SPRR2G: variants seen among roughly 807,000 people sequenced by gnomAD.
The protein encoded by SPRR2G is small proline-rich protein 2G.
SPRR2G carries 1 observed loss-of-function variant against 0.7 expected under a neutral mutation model. The observed-to-expected ratio is 1.49, with a 90% CI of 0.53 to 7.06. The LOEUF (loss-of-function observed/expected upper bound fraction) is 7.06, where lower values mean the gene tolerates loss of function less well. Ranked by LOEUF, SPRR2G falls within the 30% of genes most tolerant of loss-of-function variation. SPRR2G has a pLI of 0.14. For missense variants in SPRR2G, 96 were observed against 88.5 expected (o/e 1.09, Z -0.34); for synonymous variants, 38 against 33.9 (o/e 1.12, Z -0.42).
chr1:153,163,038 C>T, the SPRR2G span, among the ~76,000 whole-genome samples: 11 of 152,226 alleles, frequency 7.2e-5, no homozygotes, highest in African/African-American at 2.2e-4. Flanking sequence ...GGCTTTTAAC[C>T]GTCCATTCAA....
the SPRR2G span, among the ~76,000 whole-genome samples, chr1:153,160,087 A>G: frequency 6.6e-6 from 1 of 152,164 alleles, no homozygotes. Flanking sequence ...GACCCTGGCA[A>G]CCACCATTCT....
chr1:153,179,817 G>C, the SPRR2G span, among the ~76,000 whole-genome samples: 1 of 152,022 alleles, frequency 6.6e-6, no homozygotes, highest in Non-Finnish European at 1.5e-5. Flanking sequence ...TTTCTATCTT[G>C]TCTCCGTATT....
chr1:153,158,322 A>C, the SPRR2G span, among the ~76,000 whole-genome samples: 1 of 152,224 alleles, frequency 6.6e-6, no homozygotes, highest in East Asian at 1.9e-4. Flanking sequence ...AAATGGGAGA[A>C]ATTGGCCAAA....
upstream of SPRR2G, among the ~76,000 whole-genome samples, chr1:153,151,307 T>A: frequency 6.6e-6 from 1 of 152,190 alleles, no homozygotes; most frequent in East Asian, 1.9e-4. Context: ...ATCCTAACCC[T>A]CAACTGCAGT....
At chr1:153,179,488 C>CA in the SPRR2G span, among the ~76,000 whole-genome samples, 1 of 152,030 alleles carries the variant, frequency 6.6e-6, no homozygotes, top group Non-Finnish European at 1.5e-5. Context: ...CAATGTCACG[C>CA]CTATCATTTG....
At chr1:153,177,157 A>G in the SPRR2G span, among the ~76,000 whole-genome samples, 2 of 152,198 alleles carry the variant, frequency 1.3e-5, no homozygotes, top group Non-Finnish European at 2.9e-5. Context: ...GTGTCTTGAT[A>G]CACATCAAAT....
At chr1:153,162,669 A>G in the SPRR2G span, among the ~76,000 whole-genome samples, 36 of 152,188 alleles carry the variant, frequency 2.4e-4, no homozygotes, top group African/African-American at 8.4e-4. Flanking sequence ...AGGACACATC[A>G]TGGACTGGGA....
At chr1:153,155,081 T>C (rs904536459), upstream of SPRR2G, among the ~76,000 whole-genome samples, 2 of 152,122 alleles carry the variant, frequency 1.3e-5, no homozygotes, top group Non-Finnish European at 2.9e-5. Flanking sequence ...CCAAATGGAG[T>C]CCTCTGGTGC....
At chr1:153,189,016 G>A in the SPRR2G span, among the ~76,000 whole-genome samples, 13 of 152,170 alleles carry the variant, frequency 8.5e-5, no homozygotes, top group Admixed American at 7.9e-4. Flanking sequence ...GATGAACCAG[G>A]TACCTCAGTT....
At chr1:153,172,028 A>G in the SPRR2G span, among the ~76,000 whole-genome samples, 1 of 151,890 alleles carries the variant, frequency 6.6e-6, no homozygotes, top group Non-Finnish European at 1.5e-5. Context: ...TTTACACTCA[A>G]CTTTAATCCT....
upstream of SPRR2G, among the ~76,000 whole-genome samples, chr1:153,154,351 G>A (rs1025248394): frequency 4.0e-5 from 6 of 151,762 alleles, no homozygotes; most frequent in African/African-American, 1.5e-4. Flanking sequence ...TTGGTATCAG[G>A]GTAATGCCAT....
At chr1:153,201,106 T>C in the SPRR2G span, among the ~76,000 whole-genome samples, 1 of 152,180 alleles carries the variant, frequency 6.6e-6, no homozygotes, top group African/African-American at 2.4e-5. Flanking sequence ...CAGCCTCTCG[T>C]GGAGGCCCAG....
chr1:153,152,962 AG>A (rs5777842), upstream of SPRR2G, among the ~76,000 whole-genome samples: 4,696 of 152,264 alleles, frequency 0.031, 238 homozygotes, highest in African/African-American at 0.11. Flanking sequence ...AGCTTCACAA[AG>A]GACAGTTTTT....
At chr1:153,152,287 C>T (rs1451383501), upstream of SPRR2G, among the ~76,000 whole-genome samples, 1 of 152,062 alleles carries the variant, frequency 6.6e-6, no homozygotes, top group East Asian at 1.9e-4. Context: ...CCTGCATCCC[C>T]CATTCTTCTA....
chr1:153,177,557 A>G, the SPRR2G span, among the ~76,000 whole-genome samples: 1 of 152,024 alleles, frequency 6.6e-6, no homozygotes, highest in East Asian at 1.9e-4. Context: ...CTGAAATGAT[A>G]TCTTATGGGG....
At chr1:153,157,250 T>C in the SPRR2G span, among the ~76,000 whole-genome samples, 1 of 152,208 alleles carries the variant, frequency 6.6e-6, no homozygotes, top group Non-Finnish European at 1.5e-5. Flanking sequence ...TCATTAATTT[T>C]GTTAAGTGTG....
chr1:153,181,695 T>C, the SPRR2G span, among the ~76,000 whole-genome samples: 5 of 152,154 alleles, frequency 3.3e-5, no homozygotes, highest in East Asian at 9.6e-4. Context: ...TGGCATATTC[T>C]ATTTAACATA....
At chr1:153,182,517 G>T in the SPRR2G span, among the ~76,000 whole-genome samples, 65 of 151,976 alleles carry the variant, frequency 4.3e-4, no homozygotes, top group African/African-American at 1.5e-3. Flanking sequence ...TTAGGTATTT[G>T]TCCTAATGCT....
At chr1:153,173,192 A>C in the SPRR2G span, among the ~76,000 whole-genome samples, 1 of 152,226 alleles carries the variant, frequency 6.6e-6, no homozygotes, top group Non-Finnish European at 1.5e-5. Flanking sequence ...GAAACCACAA[A>C]GAACAGTCTT....
Sources: allele counts gnomAD v4.1 joint callset (sites outside exome capture counted in the v4.1 genomes callset), GRCh38; gene constraint gnomAD v4.1.1; transcripts MANE v1.5; gene names NCBI Gene and HGNC (gene_info 2026-07-23, HGNC 2026-07-21).